Variants in SLC30A5 observed in about 807,000 individuals in gnomAD.
SLC30A5 encodes the protein proton-coupled zinc antiporter SLC30A5.
A neutral mutation model predicts 79.6 loss-of-function variants in SLC30A5; 33 were observed. The ratio of observed to expected loss-of-function variants is 0.41; its 90% CI spans 0.31 to 0.55. The LOEUF (loss-of-function observed/expected upper bound fraction) is 0.55. SLC30A5 is among the 20% of genes least tolerant of loss of function. The probability of loss-of-function intolerance (pLI) is 0.20; values close to 1 mark genes in which losing one functional copy is unlikely to be tolerated. For synonymous variants in SLC30A5, 299 were observed against 319.7 expected (o/e 0.94, Z 0.69); for missense variants, 788 against 928.1 (o/e 0.85, Z 1.96).
At chr5:69,126,229 T>C (rs1378428737) in intron 14 of SLC30A5, among the ~76,000 whole-genome samples, 1 of 152,210 alleles carries the variant, frequency 6.6e-6, no homozygotes, top group Non-Finnish European at 1.5e-5. Context: ...CTTAACCCAT[T>C]GTTTTCATAA....
chr5:69,129,360 C>A, intron 15 of SLC30A5, 87 bp from the exon 16 acceptor site: 3 of 914,998 alleles, frequency 3.3e-6, no homozygotes, highest in Non-Finnish European at 4.8e-6. Flanking sequence ...AGATACTCAA[C>A]CCGTATCAAC....
chr5:69,121,556 C>T (rs1746532777), intron 12 of SLC30A5, 138 bp from the exon 13 acceptor site: 1 of 593,560 alleles, frequency 1.7e-6, no homozygotes, highest in Non-Finnish European at 2.8e-6. Context: ...TTTGGACTTA[C>T]TGAAACTTAG....
At chr5:69,098,903 ATC>A (rs1243917014) in intron 1 of SLC30A5, among the ~76,000 whole-genome samples, 1 of 152,200 alleles carries the variant, frequency 6.6e-6, no homozygotes, top group East Asian at 1.9e-4. Context: ...GTTTAAAATA[ATC>A]CATATTTGTG....
intron 3 of SLC30A5, chr5:69,104,132 CT>C (rs914959268): frequency 0.014 from 14,633 of 1,073,504 alleles, no homozygotes; most frequent in East Asian, 0.023. Context: ...GAATACTGTC[CT>C]TTTTTTTTTT....
At chr5:69,118,958 C>T (rs1746463338) in intron 12 of SLC30A5, among the ~76,000 whole-genome samples, 1 of 151,694 alleles carries the variant, frequency 6.6e-6, no homozygotes, top group Non-Finnish European at 1.5e-5. Flanking sequence ...GTGCCACCAC[C>T]CCCTGCTAAA....
rs1418092781 is a variant in SLC30A5 at position 69,130,192 on chromosome 5, T to C, written c.*575T>C. ...GAGATAAGCAATGAGAATAGGGAAGTGTATAACATCACAGTTTTTGATGTA... is the reference window on the plus strand; with the variant it reads ...GAGATAAGCAATGAGAATAGGGAAGCGTATAACATCACAGTTTTTGATGTA... On this transcript the variant is annotated 3_prime_UTR_variant, in exon 16 of 16. Transcript: ENST00000396591. 1.3e-5 allele frequency: 2 copies of C among 152,170 alleles called. No homozygotes were observed. The highest frequency in any genetic ancestry group is 2.9e-5 in the Non-Finnish European group (2 of 68,016). 9.4% of individuals were successfully genotyped at this position (152,170 alleles called of 1,614,324 possible).
chr5:69,114,653 G>T (rs1341344676), intron 7 of SLC30A5, among the ~76,000 whole-genome samples, 157 bp downstream of exon 7: 1 of 152,180 alleles, frequency 6.6e-6, no homozygotes, highest in Non-Finnish European at 1.5e-5. Context: ...ATCACCTGAG[G>T]TCGGGAGTTC....
At chr5:69,102,175 T>G (rs1203206565) in intron 2 of SLC30A5, among the ~76,000 whole-genome samples, 1 of 149,106 alleles carries the variant, frequency 6.7e-6, no homozygotes, top group East Asian at 2.1e-4. Flanking sequence ...CTCAGCCTCC[T>G]GAGTAGCTAG....
Position 69,129,784 on chromosome 5 carries a change from C to T in SLC30A5, c.*167C>T. The T allele has an allele frequency of 8.0e-6, 4 of 501,630 alleles. No homozygotes were observed. Among genetic ancestry groups the T allele is most frequent in the Non-Finnish European group, 1.3e-5 (4 of 298,244 alleles). 31.1% of individuals were successfully genotyped at this position (501,630 alleles called of 1,614,324 possible). A position where few individuals can be genotyped will look rare whatever the true frequency, so the allele number is the denominator to read the frequency against. On this transcript the variant is annotated 3_prime_UTR_variant, in exon 16 of 16. Coordinates refer to ENST00000396591, the MANE Select transcript of SLC30A5 (RefSeq NM_022902.5). ...AAGGAAATTTAAATACAGAATGAAACATTAATGGTAAAAGTGGAGTAATTA... is the reference window on the plus strand; with the variant it reads ...AAGGAAATTTAAATACAGAATGAAATATTAATGGTAAAAGTGGAGTAATTA...
rs867923079 is a variant in SLC30A5 at position 69,127,885 on chromosome 5, A to C, written c.1999-119A>C. ...GTTTGTTTTGTTTTGTATTTTAAAG[A>C]GCTTAATAGTGATCCTGGACCAAGG... On this transcript the variant is annotated intron_variant, in intron 14 of 15. Transcript: ENST00000396591. 10 of 754,112 alleles carry C rather than the reference A, an allele frequency of 1.3e-5. 1 individual carries two copies. In the Middle Eastern group the frequency reaches 3.0e-3, roughly 223 times the overall value. The allele number at this position is 754,112 out of a possible 1,614,324, so 46.7% of individuals were successfully genotyped here.
intron 15 of SLC30A5, 107 bp downstream of exon 15, chr5:69,128,239 A>G: frequency 2.8e-6 from 2 of 719,466 alleles, no homozygotes; most frequent in South Asian, 2.1e-5. Flanking sequence ...AGAAATATCA[A>G]TCTTCCAACT....
chr5:69,118,686 T>C (rs1199796816), intron 12 of SLC30A5, 58 bp downstream of exon 12: 1 of 1,435,548 alleles, frequency 7.0e-7, no homozygotes, highest in Non-Finnish European at 9.3e-7. Context: ...GTTTTTTCTA[T>C]CCTAAAGTTT....
chr5:69,128,386 G>T (rs1746762269), intron 15 of SLC30A5, among the ~76,000 whole-genome samples: 1 of 151,558 alleles, frequency 6.6e-6, no homozygotes, highest in South Asian at 2.1e-4. Flanking sequence ...CAAGTCGCTG[G>T]GATTATAGGC....
chr5:69,116,456 C>T lies in SLC30A5; in HGVS notation c.1135C>T (p.Pro379Ser). Residue 379 changes from proline (P) to serine (S), a missense_variant, in exon 10 of 16, where the codon CCT becomes TCT. Coordinates refer to ENST00000396591, the MANE Select transcript of SLC30A5 (RefSeq NM_022902.5). This position sits in a 1 kb window ranked among gnomAD's most constrained non-coding sequence, Gnocchi z 4.0. The part of the protein sequence containing the change: ...GQKGTLIGYS[P>S]EGTPLYNFMG... Reference sequence around the variant, plus strand: ...AAAAGGTACCCTTATTGGATATTCTCCTGAAGGAACACCTCTTTATAACTT... The same window carrying T: ...AAAAGGTACCCTTATTGGATATTCTTCTGAAGGAACACCTCTTTATAACTT... 2 of 1,612,888 alleles carry T rather than the reference C, an allele frequency of 1.2e-6. No individual in the cohort carries two copies. Among genetic ancestry groups the T allele is most frequent in the South Asian group, 1.1e-5 (1 of 90,770 alleles).
intron 10 of SLC30A5, 45 bp from the exon 11 acceptor site, chr5:69,117,194 C>T (rs773729414): frequency 6.6e-7 from 1 of 1,508,114 alleles, no homozygotes; most frequent in Admixed American, 1.8e-5. Context: ...CTAATTGAAA[C>T]AGTGCCCAAC....
At chr5:69,096,171 A>G (rs1745724512) in intron 1 of SLC30A5, among the ~76,000 whole-genome samples, 1 of 152,246 alleles carries the variant, frequency 6.6e-6, no homozygotes, top group Non-Finnish European at 1.5e-5. Context: ...AGGATAAAGA[A>G]GCATGAAGTA....
In SLC30A5 at chr5:69,115,257, A is replaced by G. The variant is rs764141872; in HGVS notation, c.633A>G (p.Val211=). 6.2e-7 allele frequency: 1 copy of G among 1,612,886 alleles called. No homozygotes were observed. The highest frequency in any genetic ancestry group is 2.2e-5 in the East Asian group (1 of 44,844). ...CACAGGGTGGAGTATTATTGCTAGTACTGGCTTTGTGTTGTAAAGTTGGTT... is the reference window on the plus strand; with the variant it reads ...CACAGGGTGGAGTATTATTGCTAGTGCTGGCTTTGTGTTGTAAAGTTGGTT... ...ADHKGGVLLL[V]LALCCKVGFH... is the part of the protein sequence containing the mutation. Residue 211 remains valine (V), a synonymous_variant, in exon 8 of 16, where the codon GTA becomes GTG. Transcript: ENST00000396591.
intron 7 of SLC30A5, among the ~76,000 whole-genome samples, 161 bp downstream of exon 7, chr5:69,114,657 G>C (rs1746313894): frequency 6.6e-6 from 1 of 152,172 alleles, no homozygotes; most frequent in Non-Finnish European, 1.5e-5. Flanking sequence ...CCTGAGGTCG[G>C]GAGTTCAAGA....
intron 3 of SLC30A5, among the ~76,000 whole-genome samples, chr5:69,103,618 A>G (rs1745994487): frequency 6.6e-6 from 1 of 152,216 alleles, no homozygotes; most frequent in Non-Finnish European, 1.5e-5. Context: ...TCCTAACAGA[A>G]CTGTGAGGAA....
Sources: allele counts gnomAD v4.1 joint callset (sites outside exome capture counted in the v4.1 genomes callset), GRCh38; gene constraint gnomAD v4.1.1; non-coding constraint Gnocchi (gnomAD v3.1); transcripts MANE v1.5; gene names NCBI Gene and HGNC (gene_info 2026-07-23, HGNC 2026-07-21).